The following WNK3 variants were observed in gnomAD, a reference collection of about 807,000 sequenced individuals.
WNK3 encodes the protein serine/threonine-protein kinase WNK3.
In WNK3, 18 loss-of-function variants were observed where a neutral mutation model predicts 116.7. The ratio of observed to expected loss-of-function variants is 0.15; its 90% CI spans 0.11 to 0.23. The LOEUF (loss-of-function observed/expected upper bound fraction) is 0.23, where lower values mean the gene tolerates loss of function less well. WNK3 is among the 10% of genes least tolerant of loss of function. The pLI, the probability that WNK3 is intolerant of heterozygous loss-of-function variation, is 1.00. For synonymous variants in WNK3, 404 were observed against 469.4 expected (o/e 0.86, Z 1.80); for missense variants, 993 against 1,323.8 (o/e 0.75, Z 3.88).
intron 17 of WNK3, among the ~76,000 whole-genome samples, chrX:54,246,798 T>G (rs2068078086): frequency 8.9e-6 from 1 of 111,984 alleles, no homozygotes; most frequent in Admixed American, 9.6e-5. Context: ...TAGTCATATC[T>G]GGTTAGTGGT....
At chrX:54,211,547 T>C (rs2067613623) in intron 22 of WNK3, among the ~76,000 whole-genome samples, 1 of 110,962 alleles carries the variant, frequency 9.0e-6, no homozygotes, top group South Asian at 3.8e-4. Flanking sequence ...GGCACACACC[T>C]GTAATCCCAG....
intron 23 of WNK3, among the ~76,000 whole-genome samples, 182 bp downstream of exon 23, chrX:54,201,809 T>G (rs1569534854): frequency 8.9e-6 from 1 of 111,962 alleles, no homozygotes; most frequent in African/African-American, 3.2e-5. Context: ...CCCAAAAGTT[T>G]ACTGACTCAT....
intron 22 of WNK3, chrX:54,223,331 A>G (rs1557146995): frequency 8.9e-6 from 1 of 111,794 alleles, no homozygotes; most frequent in Non-Finnish European, 1.9e-5. Flanking sequence ...AAAATGCCAA[A>G]AGGAATGAAG....
At chrX:54,355,166 G>A (rs1377038039) in intron 1 of WNK3, among the ~76,000 whole-genome samples, 1 of 111,114 alleles carries the variant, frequency 9.0e-6, no homozygotes, top group South Asian at 3.8e-4. Flanking sequence ...ATCATTTACC[G>A]GCTCAGCAAT....
At chrX:54,198,748 G>A (rs1215081450) in intron 23 of WNK3, 95 bp from the exon 24 acceptor site, 5 of 654,889 alleles carry the variant, frequency 7.6e-6, no homozygotes, top group Non-Finnish European at 8.7e-6. Context: ...TTCTATTGCT[G>A]CTGCACAAAT....
chrX:54,234,535 A>G (rs2146859985), intron 20 of WNK3, among the ~76,000 whole-genome samples: 1 of 112,125 alleles, frequency 8.9e-6, no homozygotes, highest in African/African-American at 3.2e-5. Flanking sequence ...CATTAAAAAC[A>G]GCAATAGAAG....
chrX:54,236,674 A>G (rs1280897743), intron 20 of WNK3, among the ~76,000 whole-genome samples: 1 of 111,726 alleles, frequency 9.0e-6, no homozygotes, highest in African/African-American at 3.2e-5. Flanking sequence ...TCTAAAACCA[A>G]AAGTCCTGAA....
intron 10 of WNK3, among the ~76,000 whole-genome samples, chrX:54,267,422 A>T (rs144966201): frequency 0.032 from 3,584 of 110,687 alleles, 152 homozygotes; most frequent in African/African-American, 0.11. Context: ...ACCCACAAAA[A>T]TTTGTAAAAA....
intron 22 of WNK3, among the ~76,000 whole-genome samples, chrX:54,226,985 T>C (rs1164209750): frequency 8.9e-6 from 1 of 111,809 alleles, no homozygotes; most frequent in Non-Finnish European, 1.9e-5. Context: ...ATTTTAGATA[T>C]GACAGTAAAA....
intron 22 of WNK3, among the ~76,000 whole-genome samples, chrX:54,213,340 G>A (rs2067638774): frequency 9.2e-6 from 1 of 108,201 alleles, no homozygotes; most frequent in Non-Finnish European, 1.9e-5. Flanking sequence ...GCATCACAAG[G>A]TCAGAAGATC....
At chrX:54,264,337 A>C (rs1603384917) in intron 10 of WNK3, among the ~76,000 whole-genome samples, 1 of 108,606 alleles carries the variant, frequency 9.2e-6, no homozygotes, top group East Asian at 2.9e-4. Flanking sequence ...TCTCAAAAAA[A>C]AAAAATTGGT....
intron 22 of WNK3, among the ~76,000 whole-genome samples, chrX:54,214,423 A>C (rs1211561885): frequency 3.6e-5 from 4 of 112,263 alleles, no homozygotes; most frequent in Non-Finnish European, 7.5e-5. Flanking sequence ...AGGAAGGAGA[A>C]GATGGACTTC....
intron 22 of WNK3, among the ~76,000 whole-genome samples, chrX:54,217,564 G>A (rs1368190825): frequency 9.2e-6 from 1 of 108,732 alleles, no homozygotes; most frequent in Non-Finnish European, 1.9e-5. Flanking sequence ...GGAGGTTGCA[G>A]TGAGCCGAGA....
intron 2 of WNK3, among the ~76,000 whole-genome samples, chrX:54,314,502 C>T (rs1231362587): frequency 1.8e-5 from 2 of 111,663 alleles, no homozygotes; most frequent in Admixed American, 1.9e-4. Flanking sequence ...GGCACAGTGG[C>T]TCACATCTGT....
chrX:54,206,016 T>C (rs1371462819), intron 22 of WNK3, among the ~76,000 whole-genome samples: 1 of 112,114 alleles, frequency 8.9e-6, no homozygotes, highest in African/African-American at 3.2e-5. Flanking sequence ...GCATTATTTC[T>C]ATCTCTTATC....
At chrX:54,218,300 T>C (rs1052772913) in intron 22 of WNK3, among the ~76,000 whole-genome samples, 12 of 110,901 alleles carry the variant, frequency 1.1e-4, no homozygotes, top group African/African-American at 3.9e-4. Context: ...TCTCCGCATA[T>C]ACCAAGGGAC....
At chrX:54,248,231 TAA>T (rs782354082) in intron 17 of WNK3, among the ~76,000 whole-genome samples, 5 of 101,373 alleles carry the variant, frequency 4.9e-5, no homozygotes, top group Admixed American at 1.1e-4. Flanking sequence ...GTCTAGGGTT[TAA>T]AAAAAAAAAA....
intron 22 of WNK3, among the ~76,000 whole-genome samples, chrX:54,213,140 C>T (rs782613448): frequency 1.8e-5 from 2 of 110,139 alleles, no homozygotes; most frequent in South Asian, 3.9e-4. Flanking sequence ...GCTACCATGA[C>T]GGGCTAATTT....
intron 10 of WNK3, among the ~76,000 whole-genome samples, chrX:54,284,506 A>G (rs1215014194): frequency 1.8e-5 from 2 of 111,523 alleles, no homozygotes; most frequent in Non-Finnish European, 3.8e-5. Flanking sequence ...TTCTAGGTAT[A>G]ATTCAAGAGA....
Sources: gnomAD v4.1 joint callset for allele counts (sites outside exome capture counted in the v4.1 genomes callset) on GRCh38, gnomAD v4.1.1 for gene constraint, MANE v1.5 for transcripts, NCBI Gene and HGNC (gene_info 2026-07-23, HGNC 2026-07-21) for gene names.